The following ACSL1 variants were observed in gnomAD, a reference collection of about 807,000 sequenced individuals.
The protein encoded by ACSL1 is acyl-CoA synthetase long chain family member 1.
In ACSL1, 41 loss-of-function variants were observed where a neutral mutation model predicts 98.4. The ratio of observed to expected loss-of-function variants is 0.42; its 90% confidence interval spans 0.32 to 0.54. The LOEUF is 0.54. Ranked by LOEUF, ACSL1 falls within the 20% of genes least tolerant of loss-of-function variation. The pLI is 0.13. For missense variants in ACSL1, 734 were observed against 883.1 expected, an observed-to-expected ratio of 0.83 and a Z score of 2.14; for synonymous variants, 316 against 322.7, an observed-to-expected ratio of 0.98 and a Z score of 0.22.
rs193275113 is a variant in ACSL1, at chr4:184,819,542, G to T, written c.-33+6374C>A. Among the ~76,000 whole-genome samples, 13 of 152,128 alleles carry T rather than the reference G, an allele frequency of 8.5e-5. No homozygotes were observed. The East Asian group carries it at 2.5e-3, about 29-fold the overall frequency. ...TAGCTATAGGATCAAAGACACCATCGGACCAGGACACAGGAAGGTCAGTCA... is the reference window on the plus strand; with the variant it reads ...TAGCTATAGGATCAAAGACACCATCTGACCAGGACACAGGAAGGTCAGTCA... On this transcript the variant is annotated intron_variant, in intron 1 of 20. Coordinates refer to ENST00000281455, the MANE Select transcript of ACSL1 (RefSeq NM_001995.5).
At chr4:184,822,046 A>G (rs1028278569) in intron 1 of ACSL1, among the ~76,000 whole-genome samples, 1 of 152,250 alleles carries the variant, frequency 6.6e-6, no homozygotes, top group Non-Finnish European at 1.5e-5. Flanking sequence ...GTTTTTAGAT[A>G]TTAGACAGCT....
At chr4:184,817,884 C>T (rs559080153) in intron 1 of ACSL1, among the ~76,000 whole-genome samples, 163 of 152,278 alleles carry the variant, frequency 1.1e-3, no homozygotes, top group African/African-American at 3.8e-3. Context: ...GAAGGTCTGT[C>T]CTGGACACCC....
chr4:184,809,255 G>T (rs1039736118), intron 1 of ACSL1, among the ~76,000 whole-genome samples: 1 of 152,136 alleles, frequency 6.6e-6, no homozygotes, highest in African/African-American at 2.4e-5. Flanking sequence ...GAAAGAGTGA[G>T]ACACAAAGCT....
At chr4:184,798,736 C>T (rs1419251674) in intron 2 of ACSL1, 1 of 152,328 alleles carries the variant, frequency 6.6e-6, no homozygotes, top group Non-Finnish European at 1.5e-5. Flanking sequence ...GCTGTGCCAG[C>T]GTAGCACTGA....
At chr4:184,764,505 C>T (rs1763291375) in intron 15 of ACSL1, among the ~76,000 whole-genome samples, 1 of 152,140 alleles carries the variant, frequency 6.6e-6, no homozygotes, top group Non-Finnish European at 1.5e-5. Flanking sequence ...TTTAAAATGA[C>T]CAGCAAATAA....
intron 1 of ACSL1, among the ~76,000 whole-genome samples, chr4:184,808,979 A>G (rs1005582553): frequency 2.0e-5 from 3 of 152,194 alleles, no homozygotes; most frequent in Non-Finnish European, 2.9e-5. Flanking sequence ...CATAACAAAC[A>G]TGCAAGTGGT....
chr4:184,784,212 A>AGG (rs1287289660), intron 3 of ACSL1, among the ~76,000 whole-genome samples: 1 of 151,836 alleles, frequency 6.6e-6, no homozygotes, highest in African/African-American at 2.4e-5. Context: ...GGGGCAGGAG[A>AGG]GGGGGACAGA....
Position 184,811,486 on chromosome 4 carries a change from A to G in ACSL1, c.-32-7940T>C, listed in dbSNP as rs79585342. ...ATGAACGGATCAAAATGTAGTCTAT[A>G]CAATGGAACATTATCCAACCTTTAA... On this transcript the variant is annotated intron_variant, in intron 1 of 20. Transcript: ENST00000281455. 4.8e-3 allele frequency among the ~76,000 whole-genome samples: 734 copies of G among 152,274 alleles called. 4 individuals are homozygous for G. The highest frequency in any genetic ancestry group is 0.017 in the African/African-American group (703 of 41,556).
chr4:184,825,326 A>C lies in ACSL1; in HGVS notation c.-33+590T>G. On this transcript the variant is annotated intron_variant, in intron 1 of 20. Transcript: ENST00000281455. This position sits in a 1 kb window ranked among gnomAD's most constrained non-coding sequence, Gnocchi z 4.7. ...GATCAATGACTCCACGGCCAAGTGC[A>C]AGGGCCACGGGCACTCCTCTGGAGT... is the stretch of plus-strand genomic sequence containing the variant. The C allele has an allele frequency of 1.2e-6, 1 of 842,154 alleles. No individual in the cohort carries two copies. Among genetic ancestry groups the C allele is most frequent in the Non-Finnish European group, 1.4e-6 (1 of 699,016 alleles). 52.2% of individuals were successfully genotyped at this position (842,154 alleles called of 1,614,324 possible). A position where few individuals can be genotyped will look rare whatever the true frequency, so the allele number is the denominator to read the frequency against.
At chr4:184,782,817 C>T (rs900192094) in intron 4 of ACSL1, among the ~76,000 whole-genome samples, 1 of 152,002 alleles carries the variant, frequency 6.6e-6, no homozygotes, top group Admixed American at 6.6e-5. Flanking sequence ...TCCTGTCGAC[C>T]CCAGAGGACG....
At chr4:184,767,697 A>C (rs1209354185) in intron 12 of ACSL1, among the ~76,000 whole-genome samples, 1 of 152,214 alleles carries the variant, frequency 6.6e-6, no homozygotes, top group Non-Finnish European at 1.5e-5. Flanking sequence ...AAAACATAAG[A>C]ACGTTCTGAG....
Position 184,768,360 on chromosome 4 carries a change from C to G in ACSL1, c.1084G>C (p.Val362Leu), listed in dbSNP as rs1210750052. 1 of 1,612,630 alleles carries G rather than the reference C, an allele frequency of 6.2e-7. No individual in the cohort carries two copies. The highest frequency in any genetic ancestry group is 8.5e-7 in the Non-Finnish European group (1 of 1,179,712). Residue 362 changes from valine to leucine, a missense_variant, in exon 12 of 21, where the codon GTC becomes CTC. By Grantham distance (32) the Val-to-Leu change is conservative. Coordinates refer to ENST00000281455, the MANE Select transcript of ACSL1 (RefSeq NM_001995.5). ...AGCAGTCTTGGAACCACGGGGAAGACAGTGGGTTGAAGCACCTTGAGGTCA... is the reference window on the plus strand; with the variant it reads ...AGCAGTCTTGGAACCACGGGGAAGAGAGTGGGTTGAAGCACCTTGAGGTCA... Reference protein sequence around the residue: ...MDDLKVLQPTVFPVVPRLLNR... With the variant: ...MDDLKVLQPTLFPVVPRLLNR...
chr4:184,758,221 G>A, intron 18 of ACSL1: 2 of 293,958 alleles, frequency 6.8e-6, no homozygotes, highest in African/African-American at 2.2e-5. Flanking sequence ...TTTAAAAGCA[G>A]GGTCAAGTAA....
intron 14 of ACSL1, among the ~76,000 whole-genome samples, chr4:184,765,430 G>C (rs534950042): frequency 6.6e-6 from 1 of 152,268 alleles, no homozygotes; most frequent in Non-Finnish European, 1.5e-5. Flanking sequence ...ACATATGGTT[G>C]CTTCTCCAAG....
chr4:184,768,393 G>A lies in ACSL1; in HGVS notation c.1051C>T (p.Leu351Phe). The A allele has an allele frequency of 1.2e-6, 2 of 1,613,926 alleles. No individual in the cohort carries two copies. The highest frequency in any genetic ancestry group is 1.7e-6 in the Non-Finnish European group (2 of 1,179,980). The change falls in exon 12 of 21, where the codon CTC becomes TTC. Residue 351 changes from leucine (L) to phenylalanine (F), a missense_variant. By Grantham distance (22) the Leu-to-Phe change is conservative. Coordinates refer to ENST00000281455, the MANE Select transcript of ACSL1 (RefSeq NM_001995.5). ...IGFFQGDIRLLMDDLKVLQPT... is the reference protein window; with the variant it reads ...IGFFQGDIRLFMDDLKVLQPT... Reference sequence around the variant, plus strand: ...TGAAGCACCTTGAGGTCATCCATGAGCAGCCTGATATCTCCTTGGAAAAAT... The same window carrying A: ...TGAAGCACCTTGAGGTCATCCATGAACAGCCTGATATCTCCTTGGAAAAAT...
At chr4:184,814,791 G>A (rs1772472440) in intron 1 of ACSL1, among the ~76,000 whole-genome samples, 1 of 152,118 alleles carries the variant, frequency 6.6e-6, no homozygotes, top group South Asian at 2.1e-4. Context: ...AACCCCTCCT[G>A]GAAAATATGT....
chr4:184,763,068 A>G, intron 16 of ACSL1, 99 bp downstream of exon 16: 2 of 1,228,876 alleles, frequency 1.6e-6, no homozygotes, highest in Non-Finnish European at 2.3e-6. Flanking sequence ...GTCAAGTTCA[A>G]TGGCTTTATT....
intron 1 of ACSL1, among the ~76,000 whole-genome samples, chr4:184,822,647 G>C (rs1773152330): frequency 6.6e-6 from 1 of 152,118 alleles, no homozygotes; most frequent in African/African-American, 2.4e-5. Context: ...GCTGAAGTGG[G>C]AGGATCAACT....
At chr4:184,783,895 G>T in intron 4 of ACSL1, 32 bp downstream of exon 4, 1 of 1,590,732 alleles carries the variant, frequency 6.3e-7, no homozygotes, top group Non-Finnish European at 8.6e-7. Flanking sequence ...CTTGCAAGAG[G>T]AGTCCACAGA....
Sources: allele counts gnomAD v4.1 joint callset (sites outside exome capture counted in the v4.1 genomes callset), GRCh38; gene constraint gnomAD v4.1.1; non-coding constraint Gnocchi (gnomAD v3.1); transcripts MANE v1.5; gene names NCBI Gene and HGNC (gene_info 2026-07-23, HGNC 2026-07-21).